The following KRT8 variants were observed in gnomAD, a reference collection of about 807,000 sequenced individuals.
The protein encoded by KRT8 is keratin 8.
A neutral mutation model predicts 43.0 loss-of-function variants in KRT8; 24 were observed. The ratio of observed to expected loss-of-function variants is 0.56; its 90% CI spans 0.40 to 0.78. The LOEUF (loss-of-function observed/expected upper bound fraction) is 0.78. Among genes scored for constraint, KRT8 ranks in the 30% least tolerant of loss-of-function variants. The probability of loss-of-function intolerance (pLI) is 0.00; values close to 1 mark genes in which losing one functional copy is unlikely to be tolerated. For synonymous variants in KRT8, 214 were observed against 261.2 expected (o/e 0.82, Z 1.74); for missense variants, 492 against 638.4 (o/e 0.77, Z 2.47).
intron 2 of KRT8, among the ~76,000 whole-genome samples, chr12:52,921,328 T>C (rs1941882174): frequency 1.3e-5 from 2 of 152,130 alleles, no homozygotes; most frequent in South Asian, 2.1e-4. Flanking sequence ...CTCCAGAACA[T>C]GGAAGGCAAA....
At chr12:52,929,351 C>G (rs1456629896) in intron 2 of KRT8, among the ~76,000 whole-genome samples, 1 of 152,074 alleles carries the variant, frequency 6.6e-6, no homozygotes, top group African/African-American at 2.4e-5. Flanking sequence ...ACCACCACGC[C>G]CAGCTGATTT....
At position 52,938,158 on chromosome 12, in the gene KRT8, ATATATATATATATTTTTTTT is replaced by A. The variant is rs1484889058; in HGVS notation, c.-47+11278_-47+11297del. 1.8e-4 allele frequency among the ~76,000 whole-genome samples: 6 copies of A among 32,856 alleles called. 1 individual carries two copies. The highest frequency in any genetic ancestry group is 1.4e-3 in the African/African-American group (6 of 4,162). The allele number at this position is 32,856 out of a possible 152,430, so 21.6% of individuals were successfully genotyped here. The stretch of plus-strand genomic sequence containing the variant: ...AAGCTATATATATATATATATATAT[ATATATATATATATTTTTTTT>A]TTTTTTTATATATAAGGTCTTGCTC... On this transcript the variant is annotated intron_variant, in intron 2 of 6. Coordinates refer to the KRT8 transcript ENST00000546826.
Position 52,902,610 on chromosome 12 carries a change from G to A in KRT8, c.325-538C>T, listed in dbSNP as rs544512001. On this transcript the variant is annotated intron_variant, in intron 1 of 7. Coordinates refer to ENST00000692008, the Ensembl canonical transcript of KRT8. ...TCACCGTCTTAGGCAGGATGGTCTC[G>A]AACTCCTGACCTTGTGATTGGCCCG... Among the ~76,000 whole-genome samples the A allele has an allele frequency of 4.1e-3, 620 of 152,188 alleles. 1 individual carries two copies. The highest frequency in any genetic ancestry group is 0.01 in the Middle Eastern group (3 of 294).
At chr12:52,940,942 G>A (rs948951466) in intron 2 of KRT8, among the ~76,000 whole-genome samples, 1 of 151,878 alleles carries the variant, frequency 6.6e-6, no homozygotes, top group Non-Finnish European at 1.5e-5. Context: ...TTTTTGAAGG[G>A]ATAAAAATTA....
At chr12:52,941,207 C>T (rs969742879) in intron 2 of KRT8, among the ~76,000 whole-genome samples, 9 of 151,758 alleles carry the variant, frequency 5.9e-5, no homozygotes, top group African/African-American at 2.2e-4. Flanking sequence ...GCTGGGATTA[C>T]AGGCATGTGC....
At chr12:52,899,490 C>T (rs893861009) in intron 5 of KRT8, among the ~76,000 whole-genome samples, 2 of 152,082 alleles carry the variant, frequency 1.3e-5, no homozygotes, top group Non-Finnish European at 2.9e-5. Context: ...CTCAACCTTA[C>T]CCTGATGCAT....
exon 1 of KRT8, chr12:52,904,961 C>T (rs1446327654): frequency 1.2e-6 from 2 of 1,610,716 alleles, no homozygotes; most frequent in Non-Finnish European, 1.7e-6. Flanking sequence ...TGTAGGACTT[C>T]TGGGTCACCC....
rs574125666 is a variant in KRT8, at chr12:52,949,060, C to T, written c.-47+396G>A. 3.4e-4 allele frequency: 348 copies of T among 1,038,770 alleles called. 4 individuals are homozygous for T. The South Asian group carries it at 4.6e-3, about 14-fold the overall frequency. The allele number at this position is 1,038,770 out of a possible 1,614,324, so 64.3% of individuals were successfully genotyped here. ...TGTGGCTCCGGCTTCCGAAGCGGCT[C>T]CGGGGCGGGGGCGGGGCCTCACTCT... On this transcript the variant is annotated intron_variant, in intron 2 of 6. Coordinates refer to the KRT8 transcript ENST00000546826.
intron 2 of KRT8, among the ~76,000 whole-genome samples, chr12:52,920,743 C>G (rs1487512545): frequency 6.6e-6 from 1 of 152,112 alleles, no homozygotes; most frequent in Non-Finnish European, 1.5e-5. Context: ...ACCAGCCTGC[C>G]AGGTAAGCCT....
At chr12:52,915,074 GA>G (rs924917839) in intron 2 of KRT8, among the ~76,000 whole-genome samples, 4 of 151,946 alleles carry the variant, frequency 2.6e-5, no homozygotes, top group African/African-American at 7.2e-5. Flanking sequence ...AGAGAAAGGG[GA>G]AAAAAAATGT....
chr12:52,904,869 A>C, exon 1 of KRT8: 1 of 1,612,524 alleles, frequency 6.2e-7, no homozygotes, highest in Non-Finnish European at 8.5e-7. Context: ...CACTCGGGAG[A>C]AGCTCGAGGA....
At chr12:52,918,471 T>C (rs1304885207) in intron 2 of KRT8, among the ~76,000 whole-genome samples, 2 of 152,148 alleles carry the variant, frequency 1.3e-5, no homozygotes, top group African/African-American at 4.8e-5. Flanking sequence ...AGGGAAGAAC[T>C]GGCATCTGAG....
intron 2 of KRT8, among the ~76,000 whole-genome samples, chr12:52,921,134 C>T (rs1263360073): frequency 6.6e-6 from 1 of 152,194 alleles, no homozygotes; most frequent in Admixed American, 6.5e-5. Flanking sequence ...CCTCAGGGAC[C>T]TGTTAGTCAA....
chr12:52,910,346 A>G (rs1029495055), upstream of KRT8, among the ~76,000 whole-genome samples: 2 of 152,218 alleles, frequency 1.3e-5, no homozygotes, highest in Non-Finnish European at 2.9e-5. Context: ...CCCAACACCA[A>G]GACCTTTAGG....
intron 2 of KRT8, among the ~76,000 whole-genome samples, chr12:52,940,432 CAAAAAAAAAAAA>C (rs959352157): frequency 2.0e-5 from 1 of 50,792 alleles, no homozygotes; most frequent in Non-Finnish European, 4.3e-5. Context: ...GACTCAGTCT[CAAAAAAAAAAAA>C]AAAAAAGAAA....
chr12:52,947,048 T>G (rs942271354), intron 2 of KRT8: 2 of 152,438 alleles, frequency 1.3e-5, no homozygotes, highest in African/African-American at 2.4e-5. Flanking sequence ...GGTAGCTCGA[T>G]AAGAATCAAT....
At chr12:52,942,767 T>C (rs1839894866) in intron 2 of KRT8, among the ~76,000 whole-genome samples, 1 of 152,088 alleles carries the variant, frequency 6.6e-6, no homozygotes, top group African/African-American at 2.4e-5. Context: ...GCTGGTCTCA[T>C]CATGAAGCCA....
chr12:52,939,441 G>A (rs2120726484), intron 2 of KRT8, among the ~76,000 whole-genome samples: 1 of 152,136 alleles, frequency 6.6e-6, no homozygotes, highest in East Asian at 1.9e-4. Context: ...GAGGTGGAAG[G>A]TGCAGTGAGC....
intron 2 of KRT8, among the ~76,000 whole-genome samples, chr12:52,935,645 A>ATT (rs777479340): frequency 7.0e-5 from 10 of 142,954 alleles, no homozygotes; most frequent in Admixed American, 2.8e-4. Context: ...AAATTTCATA[A>ATT]TTTTTTTTTT....
Sources: allele counts gnomAD v4.1 joint callset (sites outside exome capture counted in the v4.1 genomes callset), GRCh38; gene constraint gnomAD v4.1.1; transcripts MANE v1.5; gene names NCBI Gene and HGNC (gene_info 2026-07-23, HGNC 2026-07-21).